Variants in ITM2B observed in about 807,000 individuals in gnomAD.
ITM2B encodes ABri/ADan amyloid peptide.
A neutral mutation model predicts 27.8 loss-of-function variants in ITM2B; 11 were observed. The observed-to-expected ratio is 0.40, with a 90% CI of 0.25 to 0.66. The LOEUF (loss-of-function observed/expected upper bound fraction) is 0.66. Among genes scored for constraint, ITM2B ranks in the 30% least tolerant of loss-of-function variants. The pLI is 0.43. For synonymous variants in ITM2B, 114 were observed against 114.3 expected (o/e 1.00, Z 0.02); for missense variants, 296 against 328.9 (o/e 0.90, Z 0.77).
chr13:48,260,565 T>A (rs1951816525), intron 5 of ITM2B, among the ~76,000 whole-genome samples: 1 of 151,858 alleles, frequency 6.6e-6, no homozygotes, highest in Admixed American at 6.6e-5. Flanking sequence ...CCCATCTTTA[T>A]GTCAGTGAGT....
chr13:48,244,518 A>G (rs1448298834), intron 1 of ITM2B, among the ~76,000 whole-genome samples: 1 of 152,234 alleles, frequency 6.6e-6, no homozygotes, highest in Non-Finnish European at 1.5e-5. Context: ...TTAGAATTCC[A>G]AACTTGGACA....
Position 48,267,935 on chromosome 13 carries a change from A to G in ITM2B, c.*6711A>G, listed in dbSNP as rs1054620361. ...TTTTATAGATAGTTTACATGCAACG[A>G]AATGCATATATCTTAAGTGTTCAAC... On this transcript the variant is annotated 3_prime_UTR_variant, in exon 6 of 6. Transcript: ENST00000647800. The G allele has an allele frequency of 6.6e-6, 1 of 152,222 alleles. No individual in the cohort carries two copies. The highest frequency in any genetic ancestry group is 1.5e-5 in the Non-Finnish European group (1 of 68,036). The allele number at this position is 152,222 out of a possible 1,614,324, so 9.4% of individuals were successfully genotyped here.
Position 48,261,413 on chromosome 13 carries a change from CTTTTATA to C in ITM2B, c.*193_*199del, listed in dbSNP as rs1951822238. 2 of 522,398 alleles carry C rather than the reference CTTTTATA, an allele frequency of 3.8e-6. No homozygotes were observed. Among genetic ancestry groups the C allele is most frequent in the Non-Finnish European group, 6.8e-6 (2 of 293,890 alleles). The allele number at this position is 522,398 out of a possible 1,614,324, so 32.4% of individuals were successfully genotyped here. A position where few individuals can be genotyped will look rare whatever the true frequency, so the allele number is the denominator to read the frequency against. ...ATTTTTTTCTTTCGAAGTGTGGTGT[CTTTTATA>C]TTTGAATTAGTAACTGTATGAAGTC... On this transcript the variant is annotated 3_prime_UTR_variant, in exon 6 of 6. Transcript: ENST00000647800.
At chr13:48,261,030 A>C in intron 5 of ITM2B, 109 bp from the exon 6 acceptor site, 1 of 744,196 alleles carries the variant, frequency 1.3e-6, no homozygotes, top group Non-Finnish European at 2.3e-6. Context: ...GTTTTTGTGG[A>C]ATATAGAGTG....
At position 48,265,794 on chromosome 13, in the gene ITM2B, G is replaced by A. The variant is rs1388535934; in HGVS notation, c.*4570G>A. 6.6e-6 allele frequency: 1 copy of A among 152,140 alleles called. No homozygotes were observed. Among genetic ancestry groups the A allele is most frequent in the Non-Finnish European group, 1.5e-5 (1 of 68,028 alleles). 9.4% of individuals were successfully genotyped at this position (152,140 alleles called of 1,614,324 possible). A position where few individuals can be genotyped will look rare whatever the true frequency, so the allele number is the denominator to read the frequency against. On this transcript the variant is annotated 3_prime_UTR_variant, in exon 6 of 6. Coordinates refer to ENST00000647800, the MANE Select transcript of ITM2B (RefSeq NM_021999.5). ...CACTCAACCTTCAGAATTTAGTTCA[G>A]GTGACCCTTCCTCAAGAGAAGATTT...
At chr13:48,250,475 G>T (rs543918043) in intron 1 of ITM2B, among the ~76,000 whole-genome samples, 6 of 152,018 alleles carry the variant, frequency 3.9e-5, no homozygotes, top group Non-Finnish European at 5.9e-5. Flanking sequence ...AAAATTAGCC[G>T]GGTGTGGTGG....
In ITM2B at chr13:48,233,336, C is replaced by T. The variant is rs752549116; in HGVS notation, c.-25C>T. Reference sequence around the variant, plus strand: ...CCCGCGCCCCGAGCCCGCCGCCGCCCTTCGAGGGCGCCCCAGGCCGCGCCA... The same window carrying T: ...CCCGCGCCCCGAGCCCGCCGCCGCCTTTCGAGGGCGCCCCAGGCCGCGCCA... On this transcript the variant is annotated 5_prime_UTR_variant, in exon 1 of 6. Coordinates refer to ENST00000647800, the MANE Select transcript of ITM2B (RefSeq NM_021999.5). 8.7e-6 allele frequency: 13 copies of T among 1,490,622 alleles called. No individual in the cohort carries two copies. Among genetic ancestry groups the T allele is most frequent in the Non-Finnish European group, 1.1e-5 (12 of 1,103,990 alleles). 92.3% of individuals were successfully genotyped at this position (1,490,622 alleles called of 1,614,324 possible). A position where few individuals can be genotyped will look rare whatever the true frequency, so the allele number is the denominator to read the frequency against.
At chr13:48,257,270 C>T (rs992590479) in intron 3 of ITM2B, among the ~76,000 whole-genome samples, 2 of 152,166 alleles carry the variant, frequency 1.3e-5, no homozygotes, top group African/African-American at 4.8e-5. Flanking sequence ...TCGAGAAGCA[C>T]AACCTCAGAT....
intron 2 of ITM2B, 57 bp downstream of exon 2, chr13:48,253,993 T>C (rs1951771155): frequency 2.6e-6 from 4 of 1,525,418 alleles, no homozygotes; most frequent in Middle Eastern, 1.8e-4. Context: ...CCTCTCCCGA[T>C]GTGCATTACA....
At position 48,262,218 on chromosome 13, in the gene ITM2B, T is replaced by C. The variant is rs989968010; in HGVS notation, c.*994T>C. On this transcript the variant is annotated 3_prime_UTR_variant, in exon 6 of 6. Coordinates refer to ENST00000647800, the MANE Select transcript of ITM2B (RefSeq NM_021999.5). ...GAATGCCCGCCTCACAAGTGGAACA[T>C]TTTGAGTTAATAATGATGATTTTTA... The C allele has an allele frequency of 3.9e-5, 6 of 152,098 alleles. No individual in the cohort carries two copies. The highest frequency in any genetic ancestry group is 1.4e-4 in the African/African-American group (6 of 41,428). 9.4% of individuals were successfully genotyped at this position (152,098 alleles called of 1,614,324 possible). A position where few individuals can be genotyped will look rare whatever the true frequency, so the allele number is the denominator to read the frequency against.
At position 48,233,292 on chromosome 13, in the gene ITM2B, C is replaced by G; in HGVS notation, c.-69C>G. 1 of 1,017,990 alleles carries G rather than the reference C, an allele frequency of 9.8e-7. No homozygotes were observed. Among genetic ancestry groups the G allele is most frequent in the Non-Finnish European group, 1.4e-6 (1 of 692,880 alleles). 63.1% of individuals were successfully genotyped at this position (1,017,990 alleles called of 1,614,324 possible). ...GGAGCCCGGCCGTAGAGGCTGCAAT[C>G]GCAGCCGGGAGCCCGCAGCCCGCGC... On this transcript the variant is annotated 5_prime_UTR_variant, in exon 1 of 6. It adds an upstream start codon to the 5' untranslated region. Coordinates refer to ENST00000647800, the MANE Select transcript of ITM2B (RefSeq NM_021999.5).
chr13:48,253,365 A>G (rs911312178), intron 1 of ITM2B, among the ~76,000 whole-genome samples: 1 of 152,210 alleles, frequency 6.6e-6, no homozygotes, highest in Non-Finnish European at 1.5e-5. Context: ...CACCTGTAGC[A>G]GGCCTAACAC....
chr13:48,252,221 A>C (rs1394446858), intron 1 of ITM2B, among the ~76,000 whole-genome samples: 1 of 152,202 alleles, frequency 6.6e-6, no homozygotes, highest in Non-Finnish European at 1.5e-5. Context: ...TATCATGTTA[A>C]AGTTCCTCAT....
chr13:48,251,421 G>A (rs1219519952), intron 1 of ITM2B, among the ~76,000 whole-genome samples: 4 of 152,020 alleles, frequency 2.6e-5, no homozygotes, highest in Non-Finnish European at 5.9e-5. Context: ...TTTTCTTTTT[G>A]TATATTTATC....
rs1323008536 is a variant in ITM2B, at chr13:48,266,911, T to G, written c.*5687T>G. The G allele has an allele frequency of 6.6e-6, 1 of 152,202 alleles. No homozygotes were observed. Among genetic ancestry groups the G allele is most frequent in the Non-Finnish European group, 1.5e-5 (1 of 68,030 alleles). 9.4% of individuals were successfully genotyped at this position (152,202 alleles called of 1,614,324 possible). A position where few individuals can be genotyped will look rare whatever the true frequency, so the allele number is the denominator to read the frequency against. The stretch of plus-strand genomic sequence containing the variant: ...CCACCTTCTTCTAGGATAGTATTTT[T>G]GGGCCAGATGGTTTTCCACATTTAA... On this transcript the variant is annotated 3_prime_UTR_variant, in exon 6 of 6. Transcript: ENST00000647800.
chr13:48,244,544 C>T (rs1002954534), intron 1 of ITM2B, among the ~76,000 whole-genome samples: 1 of 152,308 alleles, frequency 6.6e-6, no homozygotes, highest in East Asian at 1.9e-4. Flanking sequence ...TTTCTCTTAA[C>T]TATCCACATT....
intron 2 of ITM2B, among the ~76,000 whole-genome samples, chr13:48,255,969 C>T (rs780588420): frequency 2.6e-5 from 4 of 152,086 alleles, no homozygotes; most frequent in African/African-American, 4.8e-5. Flanking sequence ...AACCAGCTGC[C>T]TTTCTTCTGA....
chr13:48,255,956 GA>G (rs1951784798), intron 2 of ITM2B, among the ~76,000 whole-genome samples: 1 of 152,036 alleles, frequency 6.6e-6, no homozygotes, highest in South Asian at 2.1e-4. Flanking sequence ...AAAGTAAAGG[GA>G]AAACCAGCTG....
chr13:48,237,665 A>G (rs1224756909), intron 1 of ITM2B, among the ~76,000 whole-genome samples: 2 of 152,222 alleles, frequency 1.3e-5, no homozygotes, highest in Non-Finnish European at 2.9e-5. Flanking sequence ...CAAGGTGTTT[A>G]TTATGCATTT....
Sources: gnomAD v4.1 joint callset for allele counts (sites outside exome capture counted in the v4.1 genomes callset) on GRCh38, gnomAD v4.1.1 for gene constraint, MANE v1.5 for transcripts, NCBI Gene and HGNC (gene_info 2026-07-23, HGNC 2026-07-21) for gene names.